COL21A1: variants seen among roughly 807,000 people sequenced by gnomAD.
COL21A1 encodes the protein collagen type XXI alpha 1 chain, also known as collagen alpha-1(XXI) chain.
In COL21A1, 149 loss-of-function variants were observed where a neutral mutation model predicts 137.9. That is an observed-to-expected ratio of 1.08 (90% CI 0.95 to 1.24). The LOEUF (loss-of-function observed/expected upper bound fraction) is 1.24, where lower values mean the gene tolerates loss of function less well. Ranked by LOEUF, COL21A1 falls within the 50% of genes most tolerant of loss-of-function variation. The pLI, the probability that COL21A1 is intolerant of heterozygous loss-of-function variation, is 0.00. For missense variants in COL21A1, 1,167 were observed against 1,158.4 expected (o/e 1.01, Z -0.11); for synonymous variants, 456 against 391.5 (o/e 1.16, Z -1.95).
intron 14 of COL21A1, chr6:56,125,364 C>T: frequency 2.6e-6 from 1 of 382,180 alleles, no homozygotes; most frequent in Non-Finnish European, 4.7e-6. Flanking sequence ...ACAACATAAT[C>T]TTATAGGATA....
At chr6:56,302,019 G>A (rs1764308581) in intron 1 of COL21A1, among the ~76,000 whole-genome samples, 1 of 151,848 alleles carries the variant, frequency 6.6e-6, no homozygotes, top group African/African-American at 2.4e-5. Flanking sequence ...GAGAATGATG[G>A]TTTCCAGCTT....
At chr6:56,096,127 A>G (rs765894489) in intron 17 of COL21A1, among the ~76,000 whole-genome samples, 4 of 147,882 alleles carry the variant, frequency 2.7e-5, no homozygotes, top group Non-Finnish European at 5.9e-5. Context: ...GATTACAGGC[A>G]TGGGCCACCA....
chr6:56,342,366 T>A (rs1765489821), intron 1 of COL21A1, among the ~76,000 whole-genome samples: 1 of 152,216 alleles, frequency 6.6e-6, no homozygotes, highest in African/African-American at 2.4e-5. Context: ...GATTGTTGTT[T>A]TAATGCGGTT....
chr6:56,253,439 T>A (rs1782900366), intron 1 of COL21A1, among the ~76,000 whole-genome samples: 1 of 152,200 alleles, frequency 6.6e-6, no homozygotes, highest in African/African-American at 2.4e-5. Context: ...TCTTAGATTG[T>A]GAACTCCAAG....
chr6:56,379,564 C>G (rs190649750), intron 1 of COL21A1, among the ~76,000 whole-genome samples: 53 of 152,256 alleles, frequency 3.5e-4, no homozygotes, highest in East Asian at 7.7e-4. Flanking sequence ...ATACTGCATA[C>G]TCTCTTCTAC....
intron 1 of COL21A1, among the ~76,000 whole-genome samples, chr6:56,241,161 T>C (rs559705845): frequency 6.6e-6 from 1 of 152,274 alleles, no homozygotes; most frequent in African/African-American, 2.4e-5. Flanking sequence ...CATGGTGATA[T>C]TTGAACGCAA....
intron 1 of COL21A1, among the ~76,000 whole-genome samples, chr6:56,197,743 A>G (rs1779119218): frequency 1.3e-5 from 2 of 152,132 alleles, no homozygotes; most frequent in African/African-American, 4.8e-5. Context: ...ACACTTGTAC[A>G]CTGTTGGTGG....
chr6:56,112,673 T>C lies in COL21A1; in HGVS notation c.1759-11148A>G, dbSNP rs576456443. Among the ~76,000 whole-genome samples the C allele has an allele frequency of 1.0e-3, 154 of 149,764 alleles. 1 individual carries two copies. The highest frequency in any genetic ancestry group is 3.5e-3 in the African/African-American group (141 of 40,496). On this transcript the variant is annotated intron_variant, in intron 16 of 29. Transcript: ENST00000244728. The stretch of plus-strand genomic sequence containing the variant: ...GCCTGCCCACAGAAGAAGTTTTTTT[T>C]TCTTTTCTTTTTTCTTTTTTTTTTT...
intron 1 of COL21A1, among the ~76,000 whole-genome samples, chr6:56,385,461 T>G (rs889572854): frequency 6.6e-6 from 1 of 152,170 alleles, no homozygotes; most frequent in Non-Finnish European, 1.5e-5. Context: ...CCTTCCACCT[T>G]CAAAGTTAGC....
At chr6:56,243,784 G>A (rs1015190150) in intron 1 of COL21A1, among the ~76,000 whole-genome samples, 6 of 152,120 alleles carry the variant, frequency 3.9e-5, no homozygotes, top group Admixed American at 2.0e-4. Context: ...CAGGATTCAG[G>A]GCTAGGCAGT....
intron 16 of COL21A1, among the ~76,000 whole-genome samples, chr6:56,103,641 G>T (rs184364479): frequency 3.3e-5 from 5 of 152,128 alleles, no homozygotes; most frequent in Non-Finnish European, 7.4e-5. Context: ...CATCAGCAAG[G>T]TTCATCAATA....
intron 1 of COL21A1, among the ~76,000 whole-genome samples, chr6:56,322,455 AG>A (rs1324680782): frequency 6.6e-6 from 1 of 152,180 alleles, no homozygotes; most frequent in Non-Finnish European, 1.5e-5. Context: ...AATGCTTTCC[AG>A]GAGATTGTCA....
At chr6:56,080,952 G>A (rs1408396129) in intron 17 of COL21A1, among the ~76,000 whole-genome samples, 1 of 151,752 alleles carries the variant, frequency 6.6e-6, no homozygotes, top group East Asian at 1.9e-4. Context: ...GAGTCAGCCA[G>A]CCCATGTCCT....
At chr6:56,072,243 T>C (rs1042549898) in intron 20 of COL21A1, among the ~76,000 whole-genome samples, 18 of 151,562 alleles carry the variant, frequency 1.2e-4, no homozygotes, top group African/African-American at 4.4e-4. Flanking sequence ...TCTTTTCTAT[T>C]GTGAATAGTG....
chr6:56,156,752 G>C, intron 10 of COL21A1, 135 bp downstream of exon 10: 1 of 720,232 alleles, frequency 1.4e-6, no homozygotes, highest in South Asian at 1.8e-5. Flanking sequence ...CAACAGAGTT[G>C]AGTTCAGTCT....
intron 17 of COL21A1, among the ~76,000 whole-genome samples, chr6:56,096,945 T>C (rs1487194252): frequency 1.3e-5 from 2 of 152,116 alleles, no homozygotes; most frequent in East Asian, 3.8e-4. Flanking sequence ...TTTTCTATTT[T>C]CAAAGCTTTT....
At chr6:56,294,059 T>C (rs1383143823) in intron 1 of COL21A1, among the ~76,000 whole-genome samples, 2 of 152,152 alleles carry the variant, frequency 1.3e-5, no homozygotes, top group African/African-American at 2.4e-5. Flanking sequence ...AATGGCAATT[T>C]AGTTGAACCA....
At chr6:56,264,961 G>T (rs1763362028) in intron 1 of COL21A1, among the ~76,000 whole-genome samples, 1 of 152,166 alleles carries the variant, frequency 6.6e-6, no homozygotes, top group South Asian at 2.1e-4. Context: ...CAAAAAGAAG[G>T]TGCCTCTCCC....
chr6:56,150,289 C>G, intron 10 of COL21A1, among the ~76,000 whole-genome samples: 1 of 152,208 alleles, frequency 6.6e-6, no homozygotes, highest in Middle Eastern at 3.4e-3. Flanking sequence ...GAGGTCGAGG[C>G]GGGCGGATCA....
Sources: gnomAD v4.1 joint callset for allele counts (sites outside exome capture counted in the v4.1 genomes callset) on GRCh38, gnomAD v4.1.1 for gene constraint, MANE v1.5 for transcripts, NCBI Gene and HGNC (gene_info 2026-07-23, HGNC 2026-07-21) for gene names.